Variants in SUPT3H observed in about 807,000 individuals in gnomAD.
SUPT3H encodes SPT3 homolog, SAGA and STAGA complex component, also known as transcription initiation protein SPT3 homolog.
SUPT3H carries 44 observed loss-of-function variants against 44.3 expected under a neutral mutation model. The ratio of observed to expected loss-of-function variants is 0.99; its 90% CI spans 0.78 to 1.28. The LOEUF is 1.28. Among genes scored for constraint, SUPT3H ranks in the 50% most tolerant of loss-of-function variants. SUPT3H has a pLI of 0.00. For synonymous variants in SUPT3H, 124 were observed against 125.6 expected (o/e 0.99, Z 0.09); for missense variants, 380 against 387.1 (o/e 0.98, Z 0.15).
chr6:44,933,434 T>C (rs1461100753), intron 9 of SUPT3H, among the ~76,000 whole-genome samples: 4 of 152,184 alleles, frequency 2.6e-5, no homozygotes, highest in South Asian at 2.1e-4. Context: ...GATGTGTATA[T>C]GTGTGTTCAG....
chr6:45,187,150 C>T (rs549395826), intron 2 of SUPT3H, among the ~76,000 whole-genome samples: 110 of 142,796 alleles, frequency 7.7e-4, no homozygotes, highest in Non-Finnish European at 1.2e-3. Flanking sequence ...TGCAGTGGCT[C>T]ATGCCTGTAA....
At chr6:45,076,751 T>C (rs1795052850) in intron 3 of SUPT3H, among the ~76,000 whole-genome samples, 1 of 152,180 alleles carries the variant, frequency 6.6e-6, no homozygotes, top group Non-Finnish European at 1.5e-5. Flanking sequence ...AATGATTTCT[T>C]ACAATCTGCT....
chr6:45,158,273 TAC>T lies in SUPT3H; in HGVS notation c.102-52269_102-52268del, dbSNP rs1206573365. Among the ~76,000 whole-genome samples, 527 of 57,314 alleles carry T rather than the reference TAC, an allele frequency of 9.2e-3. 11 individuals are homozygous for T. Among genetic ancestry groups the T allele is most frequent in the South Asian group, 0.019 (26 of 1,380 alleles). The allele number at this position is 57,314 out of a possible 152,430, so 37.6% of individuals were successfully genotyped here. A position where few individuals can be genotyped will look rare whatever the true frequency, so the allele number is the denominator to read the frequency against. On this transcript the variant is annotated intron_variant, in intron 2 of 10. Coordinates refer to ENST00000371459, the MANE Select transcript of SUPT3H (RefSeq NM_003599.4). ...TGCCTATATTTTATATATATAAATATACATATATATATATATATATATATATT... is the reference window on the plus strand; with the variant it reads ...TGCCTATATTTTATATATATAAATATATATATATATATATATATATATATT...
At chr6:45,077,643 G>A (rs147429338) in intron 3 of SUPT3H, among the ~76,000 whole-genome samples, 3,281 of 52,330 alleles carry the variant, frequency 0.063, no homozygotes, top group Middle Eastern at 0.095. Context: ...AAAAAAAAAA[G>A]AAAAGAAAAA....
At chr6:45,299,945 G>T (rs1781888827) in intron 2 of SUPT3H, among the ~76,000 whole-genome samples, 1 of 143,140 alleles carries the variant, frequency 7.0e-6, no homozygotes, top group Non-Finnish European at 1.5e-5. Context: ...TATTATATAT[G>T]TGAATATATA....
At chr6:44,988,435 T>C (rs1243153009) in intron 6 of SUPT3H, among the ~76,000 whole-genome samples, 1 of 147,536 alleles carries the variant, frequency 6.8e-6, no homozygotes, top group Non-Finnish European at 1.5e-5. Flanking sequence ...AAAATATATA[T>C]CTATATATTT....
chr6:45,217,207 T>G (rs569746145), intron 2 of SUPT3H, among the ~76,000 whole-genome samples: 3 of 150,702 alleles, frequency 2.0e-5, no homozygotes, highest in South Asian at 4.1e-4. Context: ...CCAGGCATGG[T>G]GGCTCATGCC....
At chr6:45,068,518 C>A (rs1222959109) in intron 3 of SUPT3H, among the ~76,000 whole-genome samples, 1 of 152,012 alleles carries the variant, frequency 6.6e-6, no homozygotes, top group Admixed American at 6.6e-5. Context: ...GGGGTAATCT[C>A]CTAAAATAAA....
intron 5 of SUPT3H, among the ~76,000 whole-genome samples, chr6:45,011,001 TA>T (rs1310465428): frequency 6.6e-6 from 1 of 152,162 alleles, no homozygotes; most frequent in African/African-American, 2.4e-5. Context: ...TTTATTCTGT[TA>T]ATTTGATGCA....
chr6:44,976,055 T>C (rs191094603), intron 6 of SUPT3H, among the ~76,000 whole-genome samples: 275 of 152,316 alleles, frequency 1.8e-3, no homozygotes, highest in African/African-American at 6.4e-3. Flanking sequence ...TTTCCTTTCT[T>C]GTAATTGGCT....
intron 2 of SUPT3H, among the ~76,000 whole-genome samples, chr6:45,109,916 A>G (rs1562477994): frequency 6.6e-6 from 1 of 152,174 alleles, no homozygotes; most frequent in East Asian, 1.9e-4. Flanking sequence ...TAATCAATAG[A>G]TTCTGATACC....
At chr6:44,847,655 T>C (rs1446059619) in intron 10 of SUPT3H, among the ~76,000 whole-genome samples, 1 of 151,998 alleles carries the variant, frequency 6.6e-6, no homozygotes, top group South Asian at 2.1e-4. Flanking sequence ...GCCCAGCTAA[T>C]TTTTGTATTT....
chr6:45,035,547 G>A (rs1787547734), intron 3 of SUPT3H, among the ~76,000 whole-genome samples: 1 of 152,092 alleles, frequency 6.6e-6, no homozygotes, highest in Admixed American at 6.6e-5. Flanking sequence ...GGATGCCAAT[G>A]CCATTCATGT....
At chr6:45,175,584 C>G (rs370071093) in intron 2 of SUPT3H, among the ~76,000 whole-genome samples, 1 of 152,080 alleles carries the variant, frequency 6.6e-6, no homozygotes, top group African/African-American at 2.4e-5. Flanking sequence ...AGGTTTGGGT[C>G]TTTCACCGAT....
At chr6:45,026,035 A>AAC (rs1200641258) in intron 3 of SUPT3H, among the ~76,000 whole-genome samples, 3 of 152,172 alleles carry the variant, frequency 2.0e-5, no homozygotes, top group Non-Finnish European at 4.4e-5. Context: ...ATAAATGGTA[A>AAC]ACGGTAGGAG....
chr6:45,046,941 T>A (rs1011763726), intron 3 of SUPT3H, among the ~76,000 whole-genome samples: 2 of 152,204 alleles, frequency 1.3e-5, no homozygotes, highest in African/African-American at 4.8e-5. Context: ...AGGTATTATA[T>A]ACAATTTGTT....
intron 2 of SUPT3H, among the ~76,000 whole-genome samples, chr6:45,113,937 C>T (rs1434841879): frequency 6.6e-6 from 1 of 151,904 alleles, no homozygotes; most frequent in Admixed American, 6.6e-5. Flanking sequence ...TCCCCATTCC[C>T]CTTCTGATAG....
chr6:44,868,199 T>C (rs761385643), intron 10 of SUPT3H, among the ~76,000 whole-genome samples: 1 of 152,178 alleles, frequency 6.6e-6, no homozygotes, highest in Non-Finnish European at 1.5e-5. Context: ...AGTGCCCCCA[T>C]AGCTGGTGTA....
chr6:45,294,778 A>C, intron 2 of SUPT3H, among the ~76,000 whole-genome samples: 1 of 147,598 alleles, frequency 6.8e-6, no homozygotes, highest in Admixed American at 6.9e-5. Context: ...TTAGGAATAT[A>C]CCTAACCAAG....
Sources: gnomAD v4.1 joint callset for allele counts (sites outside exome capture counted in the v4.1 genomes callset) on GRCh38, gnomAD v4.1.1 for gene constraint, MANE v1.5 for transcripts, NCBI Gene and HGNC (gene_info 2026-07-23, HGNC 2026-07-21) for gene names.